The following CARD14 variants were observed in gnomAD, a reference collection of about 807,000 sequenced individuals.
The protein encoded by CARD14 is caspase recruitment domain-containing protein 14.
A neutral mutation model predicts 111.5 loss-of-function variants in CARD14; 107 were observed. That is an observed-to-expected ratio of 0.96 (90% confidence interval 0.82 to 1.13). CARD14 has a LOEUF of 1.13. Ranked by LOEUF, CARD14 falls within the 50% of genes most tolerant of loss-of-function variation. The probability of loss-of-function intolerance (pLI) is 0.00; values close to 1 mark genes in which losing one functional copy is unlikely to be tolerated. For missense variants in CARD14, 1,322 were observed against 1,362.3 expected, an observed-to-expected ratio of 0.97 and a Z score of 0.47; for synonymous variants, 617 against 579.6, an observed-to-expected ratio of 1.06 and a Z score of -0.93.
chr17:80,191,240 G>A (rs773882525), intron 10 of CARD14, 83 bp from the exon 11 acceptor site: 36 of 1,520,358 alleles, frequency 2.4e-5, no homozygotes, highest in Non-Finnish European at 3.0e-5. Flanking sequence ...GATGAGCGCA[G>A]GCTAGAAACA....
intron 16 of CARD14, among the ~76,000 whole-genome samples, chr17:80,199,561 C>CAAAAAAAAA (rs34737700): frequency 1.2e-4 from 8 of 68,750 alleles, no homozygotes; most frequent in African/African-American, 2.5e-4. Flanking sequence ...AGCCTTGTCT[C>CAAAAAAAAA]AAAAAAAAAA....
Position 80,188,688 on chromosome 17 carries a change from CTT to C in CARD14, c.843+146_843+147del. On this transcript the variant is annotated intron_variant, in intron 8 of 23. Transcript: ENST00000648509. This position sits in a 1 kb window ranked among gnomAD's most constrained non-coding sequence, Gnocchi z 4.5. ...TAGTGACTCATCTCACCCACTTTCT[CTT>C]TACCTCCTTCCTTCCTGCTGTTCCC... is the stretch of plus-strand genomic sequence containing the variant. The C allele has an allele frequency of 1.3e-6, 1 of 783,392 alleles. No homozygotes were observed. The highest frequency in any genetic ancestry group is 1.8e-6 in the Non-Finnish European group (1 of 563,400). 48.5% of individuals were successfully genotyped at this position (783,392 alleles called of 1,614,324 possible).
Position 80,182,457 on chromosome 17 carries a change from G to T in CARD14, c.212-196G>T, listed in dbSNP as rs144833796. Among the ~76,000 whole-genome samples the T allele has an allele frequency of 6.2e-3, 948 of 152,290 alleles. 6 individuals carry two copies. Among genetic ancestry groups the T allele is most frequent in the African/African-American group, 0.019 (792 of 41,552 alleles). ...CTTCTCGAGTCTGACTGAGGTCATG[G>T]GGGTAAAGGGAGCCTGTGAGAGCAG... On this transcript the variant is annotated intron_variant, in intron 5 of 23. Transcript: ENST00000648509. This position sits in a 1 kb window ranked among gnomAD's most constrained non-coding sequence, Gnocchi z 4.7.
At chr17:80,200,182 G>A (rs556783675) in intron 16 of CARD14, among the ~76,000 whole-genome samples, 7 of 150,200 alleles carry the variant, frequency 4.7e-5, no homozygotes, top group African/African-American at 1.2e-4. Context: ...TAATTCAAGC[G>A]TCCTTCACGT....
At chr17:80,205,910 G>A (rs1332628550) in intron 22 of CARD14, 4 of 386,310 alleles carry the variant, frequency 1.0e-5, no homozygotes, top group African/African-American at 4.2e-5. Context: ...ATATTTGTTC[G>A]AGAATGAATA....
intron 12 of CARD14, among the ~76,000 whole-genome samples, chr17:80,192,967 C>G (rs560754702): frequency 1.4e-4 from 22 of 152,300 alleles, no homozygotes; most frequent in African/African-American, 5.3e-4. Flanking sequence ...CCAGGCTGGT[C>G]TTGAACTCCT....
In CARD14 at chr17:80,182,881, C is replaced by T. The variant is rs2040218125; in HGVS notation, c.349+91C>T. The T allele has an allele frequency of 3.4e-6, 5 of 1,462,144 alleles. No homozygotes were observed. Among genetic ancestry groups the T allele is most frequent in the Non-Finnish European group, 3.8e-6 (4 of 1,059,600 alleles). The allele number at this position is 1,462,144 out of a possible 1,614,324, so 90.6% of individuals were successfully genotyped here. On this transcript the variant is annotated intron_variant, in intron 6 of 23. Transcript: ENST00000648509. This position sits in a 1 kb window ranked among gnomAD's most constrained non-coding sequence, Gnocchi z 4.7. ...GGTGCCCCGCTTACTTGCCGATTTGCCCTACTCCCCCTTCCCTCCAGGCTG... is the reference window on the plus strand; with the variant it reads ...GGTGCCCCGCTTACTTGCCGATTTGTCCTACTCCCCCTTCCCTCCAGGCTG...
In CARD14 at chr17:80,181,465, C is replaced by T. The variant is rs9895931; in HGVS notation, c.27C>T (p.Ser9=). 4.5e-4 allele frequency: 715 copies of T among 1,581,780 alleles called. 3 individuals are homozygous for T. The highest frequency in any genetic ancestry group is 1.3e-3 in the South Asian group (111 of 86,458). ...TGGGGGAACTGTGCCGCAGGGACTC[C>T]GCACTCACGGCACTGGACGAGGAGA... MGELCRRD[S]ALTALDEETL... Residue 9 remains serine (S), a synonymous_variant, in exon 5 of 24, where the codon TCC becomes TCT. Coordinates refer to ENST00000648509, the MANE Select transcript of CARD14 (RefSeq NM_001366385.1).
At position 80,188,527 on chromosome 17, in the gene CARD14, T is replaced by A; in HGVS notation, c.826T>A (p.Ser276Thr). Reference sequence around the variant, plus strand: ...GAAGGAGGAGAATGAGAAACTGCGCTCGCTGACTTTCAGCCTGGTAGGTTC... The same window carrying A: ...GAAGGAGGAGAATGAGAAACTGCGCACGCTGACTTTCAGCCTGGTAGGTTC... ...RLKEENEKLR[S>T]LTFSLAEKDI... is the part of the protein sequence containing the mutation. Residue 276 changes from serine to threonine, a missense_variant, in exon 8 of 24, where the codon TCG becomes ACG. Ser to Thr is a moderately conservative substitution (Grantham distance 58, BLOSUM62 1). Transcript: ENST00000648509. This position sits in a 1 kb window ranked among gnomAD's most constrained non-coding sequence, Gnocchi z 4.5. The A allele has an allele frequency of 6.6e-7, 1 of 1,518,296 alleles. No homozygotes were observed. The highest frequency in any genetic ancestry group is 8.8e-7 in the Non-Finnish European group (1 of 1,131,968). The allele number at this position is 1,518,296 out of a possible 1,614,324, so 94.1% of individuals were successfully genotyped here. A position where few individuals can be genotyped will look rare whatever the true frequency, so the allele number is the denominator to read the frequency against.
At chr17:80,190,962 C>T in intron 10 of CARD14, 63 bp downstream of exon 10, 1 of 1,577,396 alleles carries the variant, frequency 6.3e-7, no homozygotes, top group Non-Finnish European at 8.6e-7. Context: ...AGGGCTGGTT[C>T]CGGGGACAGT....
At chr17:80,205,279 C>T (rs990859466) in intron 21 of CARD14, 74 bp downstream of exon 21, 3 of 1,297,482 alleles carry the variant, frequency 2.3e-6, no homozygotes, top group Admixed American at 2.0e-5. Flanking sequence ...TCCCTCCTTC[C>T]TCCCCTTCCT....
At chr17:80,180,116 A>C (rs1199993342) in intron 4 of CARD14, among the ~76,000 whole-genome samples, 2 of 152,200 alleles carry the variant, frequency 1.3e-5, no homozygotes, top group African/African-American at 4.8e-5. Context: ...GGGCTCAGGC[A>C]GGGGCACAGT....
At position 80,195,640 on chromosome 17, in the gene CARD14, C is replaced by A. The variant is rs1424016462; in HGVS notation, c.1582C>A (p.Leu528Ile). 6.2e-7 allele frequency: 1 copy of A among 1,613,100 alleles called. No homozygotes were observed. Among genetic ancestry groups the A allele is most frequent in the African/African-American group, 1.3e-5 (1 of 74,924 alleles). The change falls in exon 14 of 24, where the codon CTA (leucine) becomes ATA (isoleucine). Residue 528 changes from leucine to isoleucine, a missense_variant. Coordinates refer to ENST00000648509, the MANE Select transcript of CARD14 (RefSeq NM_001366385.1). The surrounding 1 kb of genome is among the most constrained non-coding windows in gnomAD (Gnocchi z 4.7). ...CGACCCACACCTGGATTATGAGCTC[C>A]TAGACACGGCAGGTGAGCACGCCCA... ...AGDPHLDYEL[L>I]DTADLPQLES...
At position 80,199,747 on chromosome 17, in the gene CARD14, G is replaced by T. The variant is rs918624902; in HGVS notation, c.1851+1156G>T. Among the ~76,000 whole-genome samples, 4 of 149,940 alleles carry T rather than the reference G, an allele frequency of 2.7e-5. No individual in the cohort carries two copies. The East Asian group carries it at 5.9e-4, about 22-fold the overall frequency. ...TACAAAAAAAAAAAAAAAATAGCTGGTATCTATAATCCCAGCTACTCAGGA... is the reference window on the plus strand; with the variant it reads ...TACAAAAAAAAAAAAAAAATAGCTGTTATCTATAATCCCAGCTACTCAGGA... On this transcript the variant is annotated intron_variant, in intron 16 of 23. Transcript: ENST00000648509.
chr17:80,178,332 T>G (rs1403842657), intron 2 of CARD14, among the ~76,000 whole-genome samples, 176 bp from the exon 3 acceptor site: 1 of 152,194 alleles, frequency 6.6e-6, no homozygotes, highest in Non-Finnish European at 1.5e-5. Context: ...CTAAGGAAGC[T>G]TCAATAGTTA....
chr17:80,183,832 C>T, intron 6 of CARD14, 81 bp from the exon 7 acceptor site: 2 of 1,191,330 alleles, frequency 1.7e-6, no homozygotes, highest in African/African-American at 1.6e-5. Context: ...ACCTGCCCAC[C>T]TGCTCACCTG....
chr17:80,198,425 C>A lies in CARD14; in HGVS notation c.1685C>A (p.Ala562Asp). 6.2e-7 allele frequency: 1 copy of A among 1,606,786 alleles called. No homozygotes were observed. The highest frequency in any genetic ancestry group is 2.2e-5 in the East Asian group (1 of 44,696). ...ESGVLMRRRP[A>D]RRILSQVTML... is the part of the protein sequence containing the mutation. Reference sequence around the variant, plus strand: ...GGCGTCCTCATGCGGCGGAGGCCAGCCCGCAGGATCCTGAGCCAGGTCACC... The same window carrying A: ...GGCGTCCTCATGCGGCGGAGGCCAGACCGCAGGATCCTGAGCCAGGTCACC... Residue 562 changes from alanine to aspartate, a missense_variant, in exon 16 of 24, where the codon GCC (alanine) becomes GAC (aspartate). Physicochemically the swap from Ala to Asp is moderately radical, Grantham distance 126. Transcript: ENST00000648509. The surrounding 1 kb of genome is among the most constrained non-coding windows in gnomAD (Gnocchi z 7.5).
In CARD14 at chr17:80,188,647, A is replaced by T; in HGVS notation, c.843+103A>T. ...GTGGTTTAGTTAAGGTGAGGCTAAG[A>T]ACAAGAGATGAAATTTAGTGACTCA... On this transcript the variant is annotated intron_variant, in intron 8 of 23. Transcript: ENST00000648509. The surrounding 1 kb of genome is among the most constrained non-coding windows in gnomAD (Gnocchi z 4.5). 1 of 1,205,968 alleles carries T rather than the reference A, an allele frequency of 8.3e-7. No homozygotes were observed. 74.7% of individuals were successfully genotyped at this position (1,205,968 alleles called of 1,614,324 possible). A position where few individuals can be genotyped will look rare whatever the true frequency, so the allele number is the denominator to read the frequency against.
At position 80,182,298 on chromosome 17, in the gene CARD14, G is replaced by A. The variant is rs1430042250; in HGVS notation, c.212-355G>A. 6.6e-6 allele frequency among the ~76,000 whole-genome samples: 1 copy of A among 152,198 alleles called. No homozygotes were observed. Among genetic ancestry groups the A allele is most frequent in the African/African-American group, 2.4e-5 (1 of 41,448 alleles). ...GCTGACAGCACCGTGGTGGGACCCTGCGTCTGCATCACCCACCAGCTTGCC... is the reference window on the plus strand; with the variant it reads ...GCTGACAGCACCGTGGTGGGACCCTACGTCTGCATCACCCACCAGCTTGCC... On this transcript the variant is annotated intron_variant, in intron 5 of 23. Transcript: ENST00000648509. The surrounding 1 kb of genome is among the most constrained non-coding windows in gnomAD (Gnocchi z 4.7).
Sources: gnomAD v4.1 joint callset for allele counts (sites outside exome capture counted in the v4.1 genomes callset) on GRCh38, gnomAD v4.1.1 for gene constraint, Gnocchi (gnomAD v3.1) non-coding constraint, MANE v1.5 for transcripts, NCBI Gene and HGNC (gene_info 2026-07-23, HGNC 2026-07-21) for gene names.